MINDY3: variants seen among roughly 807,000 people sequenced by gnomAD.
MINDY3 encodes ubiquitin carboxyl-terminal hydrolase MINDY-3.
A neutral mutation model predicts 69.2 loss-of-function variants in MINDY3; 38 were observed. The observed-to-expected ratio is 0.55, with a 90% CI of 0.42 to 0.72. The LOEUF (loss-of-function observed/expected upper bound fraction) is 0.72, where lower values mean the gene tolerates loss of function less well. Ranked by LOEUF, MINDY3 falls within the 30% of genes least tolerant of loss-of-function variation. MINDY3 has a pLI of 0.00. For missense variants in MINDY3, 522 were observed against 519.0 expected, an observed-to-expected ratio of 1.01 and a Z score of -0.06; for synonymous variants, 192 against 180.1, an observed-to-expected ratio of 1.07 and a Z score of -0.53.
At chr10:15,799,999 C>T (rs543512801) in intron 10 of MINDY3, among the ~76,000 whole-genome samples, 2 of 152,016 alleles carry the variant, frequency 1.3e-5, no homozygotes, top group Admixed American at 6.6e-5. Flanking sequence ...AACTAAGAAG[C>T]GAGTACAGTT....
chr10:15,850,729 G>T (rs59260806), intron 1 of MINDY3, among the ~76,000 whole-genome samples: 3 of 151,998 alleles, frequency 2.0e-5, no homozygotes, highest in African/African-American at 7.3e-5. Context: ...ATTTTGCCCT[G>T]GTCCTGTGAT....
chr10:15,779,420 A>G (rs908120723), intron 14 of MINDY3, among the ~76,000 whole-genome samples: 3 of 152,188 alleles, frequency 2.0e-5, no homozygotes, highest in African/African-American at 7.2e-5. Flanking sequence ...TTCTAAGAAA[A>G]AAAACATTCT....
rs371276727 is a variant in MINDY3 at position 15,858,380 on chromosome 10, T to C, written c.94+1826A>G. 2.0e-5 allele frequency among the ~76,000 whole-genome samples: 3 copies of C among 152,348 alleles called. No homozygotes were observed. The East Asian group carries it at 5.8e-4, about 29-fold the overall frequency. Reference sequence around the variant, plus strand: ...ATAAAGTTCTATTTAGAATAATGATTAGCCATCAAATAAACAACTTATTGT... The same window carrying C: ...ATAAAGTTCTATTTAGAATAATGATCAGCCATCAAATAAACAACTTATTGT... On this transcript the variant is annotated intron_variant, in intron 1 of 14. Transcript: ENST00000277632.
chr10:15,824,182 T>C (rs534246477), intron 8 of MINDY3, among the ~76,000 whole-genome samples: 1 of 152,306 alleles, frequency 6.6e-6, no homozygotes, highest in African/African-American at 2.4e-5. Flanking sequence ...ATCCTATTTT[T>C]AGTTTTTTGA....
At chr10:15,850,793 T>A (rs931248787) in intron 1 of MINDY3, among the ~76,000 whole-genome samples, 1 of 152,176 alleles carries the variant, frequency 6.6e-6, no homozygotes, top group African/African-American at 2.4e-5. Flanking sequence ...AAGCATGTGA[T>A]CTCAGCTAAT....
chr10:15,853,524 C>T (rs1339061271), intron 1 of MINDY3, among the ~76,000 whole-genome samples: 2 of 151,950 alleles, frequency 1.3e-5, no homozygotes, highest in Non-Finnish European at 2.9e-5. Flanking sequence ...AACTACAGAG[C>T]CAATTTAAGA....
intron 11 of MINDY3, among the ~76,000 whole-genome samples, chr10:15,790,667 C>T (rs989521635): frequency 6.6e-6 from 1 of 152,042 alleles, no homozygotes; most frequent in Non-Finnish European, 1.5e-5. Flanking sequence ...GTGGAGTCTC[C>T]CTCATCCAAA....
chr10:15,845,809 T>C (rs183626794), intron 2 of MINDY3, among the ~76,000 whole-genome samples: 1,877 of 135,330 alleles, frequency 0.014, 39 homozygotes, highest in African/African-American at 0.048. Flanking sequence ...GCCTGGCCTA[T>C]GTGATTTTTT....
At chr10:15,842,300 T>G (rs960850892) in intron 3 of MINDY3, among the ~76,000 whole-genome samples, 2 of 151,940 alleles carry the variant, frequency 1.3e-5, no homozygotes, top group African/African-American at 4.8e-5. Flanking sequence ...TAACAGTTCT[T>G]TAACTGCAGG....
Position 15,790,283 on chromosome 10 carries a change from T to A in MINDY3, c.956-964A>T, listed in dbSNP as rs562822099. Among the ~76,000 whole-genome samples, 30 of 151,616 alleles carry A rather than the reference T, an allele frequency of 2.0e-4. No individual in the cohort carries two copies. In the South Asian group the frequency reaches 5.2e-3, roughly 26 times the overall value. On this transcript the variant is annotated intron_variant, in intron 11 of 14. Coordinates refer to ENST00000277632, the MANE Select transcript of MINDY3 (RefSeq NM_024948.4). ...TTTCTATTCTTAAACCTCTTTTCTA[T>A]TCTTAAACCTCATAAGGAGCTGTTT...
At chr10:15,828,799 A>G (rs1314387633) in intron 8 of MINDY3, among the ~76,000 whole-genome samples, 8 of 152,204 alleles carry the variant, frequency 5.3e-5, no homozygotes, top group Admixed American at 5.2e-4. Flanking sequence ...AACATGAGAC[A>G]TACATTCATT....
chr10:15,822,721 T>C (rs1285112525), intron 8 of MINDY3, among the ~76,000 whole-genome samples: 7 of 152,008 alleles, frequency 4.6e-5, no homozygotes, highest in Admixed American at 4.6e-4. Context: ...GGCTCAGGAA[T>C]ACAGGAGAGA....
rs115372518 is a variant in MINDY3, at chr10:15,831,547, G to A, written c.730+2083C>T. ...CACAGCAAGATGACAGCCTTGAAAAGCACTATTTCAAGGAACAAAAACGAC... is the reference window on the plus strand; with the variant it reads ...CACAGCAAGATGACAGCCTTGAAAAACACTATTTCAAGGAACAAAAACGAC... On this transcript the variant is annotated intron_variant, in intron 8 of 14. Coordinates refer to ENST00000277632, the MANE Select transcript of MINDY3 (RefSeq NM_024948.4). Among the ~76,000 whole-genome samples, 368 of 152,182 alleles carry A rather than the reference G, an allele frequency of 2.4e-3. 3 individuals carry two copies. The highest frequency in any genetic ancestry group is 7.5e-3 in the African/African-American group (312 of 41,530).
chr10:15,800,758 T>C (rs1838200355), intron 10 of MINDY3, among the ~76,000 whole-genome samples: 1 of 152,108 alleles, frequency 6.6e-6, no homozygotes, highest in Non-Finnish European at 1.5e-5. Flanking sequence ...GAATCCAGCA[T>C]AAATATCGTA....
chr10:15,860,387 G>C lies in MINDY3; in HGVS notation c.-88C>G. 3 of 961,386 alleles carry C rather than the reference G, an allele frequency of 3.1e-6. No homozygotes were observed. In the South Asian group the frequency reaches 4.2e-5, roughly 13 times the overall value. The allele number at this position is 961,386 out of a possible 1,614,324, so 59.6% of individuals were successfully genotyped here. On this transcript the variant is annotated 5_prime_UTR_variant, in exon 1 of 15. Transcript: ENST00000277632. ...GCAACTCCGGAAACAGCAGCTGCGGGACGGCGGCGGCAAACGAATTGGAAG... is the reference window on the plus strand; with the variant it reads ...GCAACTCCGGAAACAGCAGCTGCGGCACGGCGGCGGCAAACGAATTGGAAG...
intron 1 of MINDY3, among the ~76,000 whole-genome samples, chr10:15,857,391 G>T (rs1393687496): frequency 6.6e-6 from 1 of 152,076 alleles, no homozygotes; most frequent in African/African-American, 2.4e-5. Flanking sequence ...TATTGTACAT[G>T]TGTAATTTAT....
intron 8 of MINDY3, among the ~76,000 whole-genome samples, chr10:15,826,804 C>T (rs1437748907): frequency 6.6e-6 from 1 of 152,072 alleles, no homozygotes; most frequent in African/African-American, 2.4e-5. Flanking sequence ...GGAGAACTGA[C>T]TGGAATTAGG....
At chr10:15,807,908 C>T (rs1048726313) in intron 10 of MINDY3, among the ~76,000 whole-genome samples, 3 of 152,118 alleles carry the variant, frequency 2.0e-5, no homozygotes, top group African/African-American at 7.2e-5. Flanking sequence ...GAGGCAAGAA[C>T]ATTTATATTT....
intron 11 of MINDY3, among the ~76,000 whole-genome samples, 194 bp from the exon 12 acceptor site, chr10:15,789,513 C>T (rs916070218): frequency 2.0e-5 from 3 of 151,972 alleles, no homozygotes; most frequent in East Asian, 3.9e-4. Context: ...TTGGAAACAT[C>T]GGCAAATACT....
Sources: allele counts gnomAD v4.1 joint callset (sites outside exome capture counted in the v4.1 genomes callset), GRCh38; gene constraint gnomAD v4.1.1; transcripts MANE v1.5; gene names NCBI Gene and HGNC (gene_info 2026-07-23, HGNC 2026-07-21).